MBL2: variants seen among roughly 807,000 people sequenced by gnomAD.
MBL2 encodes the protein mannose-binding protein C.
A neutral mutation model predicts 12.7 loss-of-function variants in MBL2; 6 were observed. That is an observed-to-expected ratio of 0.47 (90% CI 0.26 to 0.94). MBL2 has a LOEUF of 0.94. Among genes scored for constraint, MBL2 ranks in the 40% least tolerant of loss-of-function variants. MBL2 has a pLI of 0.15. For missense variants in MBL2, 307 were observed against 295.2 expected (o/e 1.04, Z -0.29); for synonymous variants, 114 against 112.0 (o/e 1.02, Z -0.11).
chr10:52,772,427 C>T (rs1212676063), intron 1 of MBL2, among the ~76,000 whole-genome samples: 2 of 152,156 alleles, frequency 1.3e-5, no homozygotes, highest in African/African-American at 2.4e-5. Context: ...CAGTATTAAC[C>T]TTTCATTTGT....
intron 2 of MBL2, 92 bp from the exon 3 acceptor site, chr10:52,770,878 G>C (rs1160767888): frequency 2.6e-5 from 16 of 612,068 alleles, no homozygotes; most frequent in Non-Finnish European, 4.2e-5. Context: ...CAGGAGAAAG[G>C]AGACCTTGAC....
chr10:52,767,144 T>C lies in MBL2; in HGVS notation c.*993A>G, dbSNP rs1004338491. The C allele has an allele frequency of 1.3e-5, 2 of 152,042 alleles. No homozygotes were observed. Among genetic ancestry groups the C allele is most frequent in the Admixed American group, 1.3e-4 (2 of 15,260 alleles). 9.4% of individuals were successfully genotyped at this position (152,042 alleles called of 1,614,324 possible). A position where few individuals can be genotyped will look rare whatever the true frequency, so the allele number is the denominator to read the frequency against. On this transcript the variant is annotated 3_prime_UTR_variant, in exon 5 of 5. Coordinates refer to ENST00000674931, the MANE Select transcript of MBL2 (RefSeq NM_001378373.1). ...CCTCATCCTCTACCAGTTCCACTCCTGGATAGGTAGTGAAATTAGTGCACC... is the reference window on the plus strand; with the variant it reads ...CCTCATCCTCTACCAGTTCCACTCCCGGATAGGTAGTGAAATTAGTGCACC...
intron 1 of MBL2, 152 bp from the exon 2 acceptor site, chr10:52,771,796 C>T: frequency 9.2e-7 from 1 of 1,082,022 alleles, no homozygotes; most frequent in Non-Finnish European, 1.3e-6. Context: ...AGTAAACATT[C>T]CTTGTGACAC....
chr10:52,769,238 A>G lies in MBL2; in HGVS notation c.373+9T>C. On this transcript the variant is annotated intron_variant, in intron 4 of 4. Coordinates refer to ENST00000674931, the MANE Select transcript of MBL2 (RefSeq NM_001378373.1). ...TCAAGCTGCCTGGAGAGTAAGAGAA[A>G]AAGCTTACACTTTTTGATACGTGCC... The G allele has an allele frequency of 1.3e-6, 2 of 1,599,442 alleles. No individual in the cohort carries two copies. Among genetic ancestry groups the G allele is most frequent in the Non-Finnish European group, 1.7e-6 (2 of 1,173,232 alleles).
At chr10:52,769,126 G>C in intron 4 of MBL2, 121 bp downstream of exon 4, 1 of 638,796 alleles carries the variant, frequency 1.6e-6, no homozygotes, top group Admixed American at 2.9e-5. Context: ...AGAATTTCAT[G>C]AGGTAAGAAT....
rs576006105 is a variant in MBL2, at chr10:52,769,373, A to C, written c.305-58T>G. 3.9e-6 allele frequency: 4 copies of C among 1,020,300 alleles called. No homozygotes were observed. In the South Asian group the frequency reaches 4.2e-5, roughly 11 times the overall value. 63.2% of individuals were successfully genotyped at this position (1,020,300 alleles called of 1,614,324 possible). A position where few individuals can be genotyped will look rare whatever the true frequency, so the allele number is the denominator to read the frequency against. On this transcript the variant is annotated intron_variant, in intron 3 of 4. Transcript: ENST00000674931. The stretch of plus-strand genomic sequence containing the variant: ...TTGAGAAGGAGCCTCAGAACTGTGC[A>C]TATACAAGGGAGTGGAGTATCTTTT...
chr10:52,769,773 A>G (rs1840363622), intron 3 of MBL2, among the ~76,000 whole-genome samples: 1 of 152,146 alleles, frequency 6.6e-6, no homozygotes, highest in Admixed American at 6.5e-5. Context: ...TGTTTTTTCC[A>G]GGTTTGTTCT....
intron 3 of MBL2, among the ~76,000 whole-genome samples, 157 bp downstream of exon 3, chr10:52,770,513 A>G (rs555481574): frequency 5.1e-4 from 78 of 152,302 alleles, no homozygotes; most frequent in African/African-American, 1.8e-3. Flanking sequence ...GGAATTCCCT[A>G]AGGCTCTAAG....
At chr10:52,769,394 C>T in intron 3 of MBL2, 79 bp from the exon 4 acceptor site, 1 of 698,578 alleles carries the variant, frequency 1.4e-6, no homozygotes, top group Non-Finnish European at 2.4e-6. Context: ...AGTGGAGTAT[C>T]TTTTTCAAAC....
rs1479048327 is a variant in MBL2, at chr10:52,765,810, C to G, written c.*2327G>C. On this transcript the variant is annotated 3_prime_UTR_variant, in exon 5 of 5. Coordinates refer to ENST00000674931, the MANE Select transcript of MBL2 (RefSeq NM_001378373.1). ...CAATAAGGTAAGAAAAAAGGTAAAG[C>G]AATTGGGAAGAAGCAAGTATTGCCA... The G allele has an allele frequency of 6.6e-6, 1 of 151,912 alleles. No homozygotes were observed. Among genetic ancestry groups the G allele is most frequent in the South Asian group, 2.1e-4 (1 of 4,820 alleles). 9.4% of individuals were successfully genotyped at this position (151,912 alleles called of 1,614,324 possible). A position where few individuals can be genotyped will look rare whatever the true frequency, so the allele number is the denominator to read the frequency against.
At chr10:52,772,493 C>T (rs1337614404) in intron 1 of MBL2, among the ~76,000 whole-genome samples, 2 of 152,082 alleles carry the variant, frequency 1.3e-5, no homozygotes, top group African/African-American at 2.4e-5. Context: ...AGCCTAGCCC[C>T]ATAGGTCTAA....
chr10:52,771,509 T>C lies in MBL2; in HGVS notation c.127A>G (p.Ile43Val). 1 of 1,613,964 alleles carries C rather than the reference T, an allele frequency of 6.2e-7. No individual in the cohort carries two copies. The highest frequency in any genetic ancestry group is 1.1e-5 in the South Asian group (1 of 91,080). ...PAVIACSSPG[I>V]NGFPGKDGRD... ...CCATCTTTGCCTGGGAAGCCGTTGA[T>C]GCCTGGAGAGCTACAGGCAATCACT... is the stretch of plus-strand genomic sequence containing the variant. The change falls in exon 2 of 5, where the codon ATC (isoleucine) becomes GTC (valine). Residue 43 changes from isoleucine (I) to valine (V), a missense_variant. By Grantham distance (29) the Ile-to-Val change is conservative. Coordinates refer to ENST00000674931, the MANE Select transcript of MBL2 (RefSeq NM_001378373.1).
intron 3 of MBL2, among the ~76,000 whole-genome samples, chr10:52,769,912 A>C (rs1394558705): frequency 7.4e-6 from 1 of 135,288 alleles, no homozygotes; most frequent in African/African-American, 3.3e-5. Flanking sequence ...TTAAGACATG[A>C]GTCTATTACC....
In MBL2 at chr10:52,768,415, T is replaced by C. The variant is rs1196009869; in HGVS notation, c.469A>G (p.Lys157Glu). The C allele has an allele frequency of 6.2e-7, 1 of 1,613,484 alleles. No individual in the cohort carries two copies. Residue 157 changes from lysine (K) to glutamate (E), a missense_variant, in exon 5 of 5, where the codon AAG becomes GAG. Lys to Glu is a moderately conservative substitution (Grantham distance 56, BLOSUM62 1). Coordinates refer to ENST00000674931, the MANE Select transcript of MBL2 (RefSeq NM_001378373.1). Reference sequence around the variant, plus strand: ...GGGGTGGCCACAGAGGCCTGGAACTTGACACACAAGGCCTTCACTTTTTCA... The same window carrying C: ...GGGGTGGCCACAGAGGCCTGGAACTCGACACACAAGGCCTTCACTTTTTCA... ...TFEKVKALCV[K>E]FQASVATPRN... is the part of the protein sequence containing the mutation.
In MBL2 at chr10:52,766,685, T is replaced by A. The variant is rs186828712; in HGVS notation, c.*1452A>T. The A allele has an allele frequency of 9.2e-5, 14 of 152,240 alleles. No individual in the cohort carries two copies. The East Asian group carries it at 2.5e-3, about 27-fold the overall frequency. The allele number at this position is 152,240 out of a possible 1,614,324, so 9.4% of individuals were successfully genotyped here. A position where few individuals can be genotyped will look rare whatever the true frequency, so the allele number is the denominator to read the frequency against. On this transcript the variant is annotated 3_prime_UTR_variant, in exon 5 of 5. Transcript: ENST00000674931. The stretch of plus-strand genomic sequence containing the variant: ...ATGAATAAATAAGACTTTCTCAAAA[T>A]TAGGAAATTTTGTTCATCAAAATTC...
chr10:52,770,631 C>G, intron 3 of MBL2, 39 bp downstream of exon 3: 1 of 1,259,606 alleles, frequency 7.9e-7, no homozygotes, highest in Non-Finnish European at 1.1e-6. Context: ...GTCTCAGAAC[C>G]CTGGGTGAAG....
rs1840330819 is a variant in MBL2 at position 52,767,975 on chromosome 10, CTAT to C, written c.*159_*161del. On this transcript the variant is annotated 3_prime_UTR_variant, in exon 5 of 5. Transcript: ENST00000674931. ...CTGCTGCTGCTAACTACTACTACTA[CTAT>C]TATTGCTTTGTTGGTGCTGTTAGTG... 2 of 728,078 alleles carry C rather than the reference CTAT, an allele frequency of 2.7e-6. No individual in the cohort carries two copies. The highest frequency in any genetic ancestry group is 5.2e-5 in the South Asian group (2 of 38,252). 45.1% of individuals were successfully genotyped at this position (728,078 alleles called of 1,614,324 possible). A position where few individuals can be genotyped will look rare whatever the true frequency, so the allele number is the denominator to read the frequency against.
At chr10:52,770,810 G>A in intron 2 of MBL2, 24 bp from the exon 3 acceptor site, 1 of 1,257,298 alleles carries the variant, frequency 8.0e-7, no homozygotes, top group Non-Finnish European at 1.1e-6. Context: ...AAGGAAATGT[G>A]ACTTAATATC....
intron 4 of MBL2, 108 bp downstream of exon 4, chr10:52,769,139 G>T: frequency 1.4e-6 from 1 of 708,534 alleles, no homozygotes; most frequent in Non-Finnish European, 2.4e-6. Context: ...GTAAGAATAT[G>T]AGAAATGCCT....
Sources: gnomAD v4.1 joint callset for allele counts (sites outside exome capture counted in the v4.1 genomes callset) on GRCh38, gnomAD v4.1.1 for gene constraint, MANE v1.5 for transcripts, NCBI Gene and HGNC (gene_info 2026-07-23, HGNC 2026-07-21) for gene names.